The following CNTN4 variants were observed in gnomAD, a reference collection of about 807,000 sequenced individuals.
The protein encoded by CNTN4 is contactin 4, also known as contactin-4.
In CNTN4, 77 loss-of-function variants were observed where a neutral mutation model predicts 122.5. The ratio of observed to expected loss-of-function variants is 0.63; its 90% CI spans 0.52 to 0.76. The LOEUF is 0.76. Among genes scored for constraint, CNTN4 ranks in the 30% least tolerant of loss-of-function variants. CNTN4 has a pLI of 0.00. For synonymous variants in CNTN4, 512 were observed against 447.0 expected (o/e 1.15, Z -1.83); for missense variants, 1,256 against 1,259.1 (o/e 1.00, Z 0.04).
chr3:2,398,530 G>A lies in CNTN4; in HGVS notation c.-89+59297G>A, dbSNP rs1355294535. On this transcript the variant is annotated intron_variant, in intron 3 of 24. Transcript: ENST00000418658. ...GATTGATTCATTATATTGCCATTGA[G>A]GGGAAAAAGCTATGTAGAAGTAAGT... Among the ~76,000 whole-genome samples, 3 of 152,126 alleles carry A rather than the reference G, an allele frequency of 2.0e-5. No individual in the cohort carries two copies. In the East Asian group the frequency reaches 5.8e-4, roughly 29 times the overall value.
chr3:2,464,510 G>A (rs1300063067), intron 3 of CNTN4, among the ~76,000 whole-genome samples: 1 of 152,142 alleles, frequency 6.6e-6, no homozygotes, highest in East Asian at 1.9e-4. Flanking sequence ...ATATAGATGG[G>A]GAAACAGAGG....
chr3:3,046,629 C>A (rs1317516607), intron 23 of CNTN4, among the ~76,000 whole-genome samples: 2 of 152,050 alleles, frequency 1.3e-5, no homozygotes, highest in African/African-American at 4.8e-5. Flanking sequence ...CTGAAGGAAG[C>A]ACTAAACATG....
At chr3:2,350,751 G>C (rs968056) in intron 3 of CNTN4, among the ~76,000 whole-genome samples, 28,832 of 152,040 alleles carry the variant, frequency 0.19, 3,535 homozygotes, top group East Asian at 0.67. Context: ...ATTTAATCAG[G>C]AACTATCTAA....
At chr3:2,781,872 CCG>C (rs1491338314) in intron 6 of CNTN4, among the ~76,000 whole-genome samples, 49,415 of 119,844 alleles carry the variant, frequency 0.41, 13,108 homozygotes, top group East Asian at 0.64. Flanking sequence ...CTGCAGGCGC[CCG>C]CACCACGCCC....
chr3:2,972,852 C>G (rs187713560), intron 13 of CNTN4, among the ~76,000 whole-genome samples: 2 of 151,088 alleles, frequency 1.3e-5, no homozygotes, highest in East Asian at 3.9e-4. Flanking sequence ...TTATCACTGT[C>G]ACATCTAAAT....
chr3:2,583,090 G>GA (rs1395662175), intron 4 of CNTN4, among the ~76,000 whole-genome samples: 1 of 152,094 alleles, frequency 6.6e-6, no homozygotes, highest in Non-Finnish European at 1.5e-5. Flanking sequence ...ATCTATACCA[G>GA]AAAAAAACTA....
intron 12 of CNTN4, among the ~76,000 whole-genome samples, chr3:2,915,665 G>T (rs1317806254): frequency 6.6e-6 from 1 of 152,070 alleles, no homozygotes; most frequent in Admixed American, 6.6e-5. Context: ...ATTAAAAATG[G>T]AATTACCATA....
chr3:2,255,790 A>G (rs907595595), intron 2 of CNTN4, among the ~76,000 whole-genome samples: 3 of 152,178 alleles, frequency 2.0e-5, no homozygotes, highest in Admixed American at 6.6e-5. Flanking sequence ...ATTTAAAGCA[A>G]TGTTTAGAGG....
At chr3:2,639,566 C>A (rs2082813455) in intron 4 of CNTN4, among the ~76,000 whole-genome samples, 1 of 152,066 alleles carries the variant, frequency 6.6e-6, no homozygotes, top group African/African-American at 2.4e-5. Context: ...ATGTATTTTG[C>A]TTATTATATG....
chr3:2,960,885 G>A (rs142433941), intron 13 of CNTN4, among the ~76,000 whole-genome samples: 92 of 152,190 alleles, frequency 6.0e-4, no homozygotes, highest in African/African-American at 2.1e-3. Context: ...TTGCACATTG[G>A]AGCCTACCCC....
At chr3:2,876,649 A>G (rs2093848322) in intron 8 of CNTN4, among the ~76,000 whole-genome samples, 1 of 152,220 alleles carries the variant, frequency 6.6e-6, no homozygotes, top group Non-Finnish European at 1.5e-5. Flanking sequence ...AACAAGCACG[A>G]TGTGTTGCTG....
chr3:2,952,206 A>T (rs939443336), intron 13 of CNTN4, among the ~76,000 whole-genome samples: 1 of 152,162 alleles, frequency 6.6e-6, no homozygotes, highest in African/African-American at 2.4e-5. Flanking sequence ...CCTTAGTGAG[A>T]TGGTTTCTAG....
At chr3:2,561,766 G>A (rs9877118) in intron 3 of CNTN4, among the ~76,000 whole-genome samples, 2 of 152,002 alleles carry the variant, frequency 1.3e-5, no homozygotes, top group Non-Finnish European at 2.9e-5. Context: ...TTTAAACCTG[G>A]CTTGTGTGAT....
chr3:3,033,447 A>G (rs1699349257), intron 16 of CNTN4, among the ~76,000 whole-genome samples: 1 of 152,222 alleles, frequency 6.6e-6, no homozygotes, highest in South Asian at 2.1e-4. Context: ...TGAAGGAGTG[A>G]ATCCTAGAAC....
intron 4 of CNTN4, among the ~76,000 whole-genome samples, chr3:2,734,732 T>G (rs2088958512): frequency 6.6e-6 from 1 of 151,982 alleles, no homozygotes; most frequent in African/African-American, 2.4e-5. Flanking sequence ...CAAACCAACT[T>G]TATTCTTTTT....
chr3:2,441,786 C>G (rs1341335150), intron 3 of CNTN4, among the ~76,000 whole-genome samples: 1 of 152,122 alleles, frequency 6.6e-6, no homozygotes, highest in African/African-American at 2.4e-5. Flanking sequence ...CAGTCTGGAG[C>G]ACTGTAGCCA....
rs539262865 is a variant in CNTN4, at chr3:2,862,934, T to G, written c.455-3818T>G. ...GTTTCAAATATGAAGAGCTCTTACTTTGTCCTAGATGGGACACTGGAATGA... is the reference window on the plus strand; with the variant it reads ...GTTTCAAATATGAAGAGCTCTTACTGTGTCCTAGATGGGACACTGGAATGA... On this transcript the variant is annotated intron_variant, in intron 7 of 24. Coordinates refer to ENST00000418658, the MANE Select transcript of CNTN4 (RefSeq NM_175607.3). Among the ~76,000 whole-genome samples, 28 of 152,302 alleles carry G rather than the reference T, an allele frequency of 1.8e-4. No homozygotes were observed. In the South Asian group the frequency reaches 5.4e-3, roughly 29 times the overall value.
intron 7 of CNTN4, among the ~76,000 whole-genome samples, chr3:2,858,429 A>G (rs961695608): frequency 2.6e-5 from 4 of 152,238 alleles, no homozygotes; most frequent in African/African-American, 7.2e-5. Context: ...TGTTTCAAGA[A>G]AAGCCCAATA....
chr3:2,890,398 C>G (rs1471598881), intron 10 of CNTN4, among the ~76,000 whole-genome samples: 1 of 152,074 alleles, frequency 6.6e-6, no homozygotes, highest in Non-Finnish European at 1.5e-5. Context: ...AGAAAGTACC[C>G]CAGTCACTTA....
Sources: allele counts gnomAD v4.1 joint callset (sites outside exome capture counted in the v4.1 genomes callset), GRCh38; gene constraint gnomAD v4.1.1; transcripts MANE v1.5; gene names NCBI Gene and HGNC (gene_info 2026-07-23, HGNC 2026-07-21).